CKM: variants seen among roughly 807,000 people sequenced by gnomAD.
CKM encodes the protein creatine kinase M-type.
CKM carries 28 observed loss-of-function variants against 35.4 expected under a neutral mutation model. That is an observed-to-expected ratio of 0.79 (90% CI 0.59 to 1.08). The LOEUF is 1.08. Among genes scored for constraint, CKM ranks in the 50% least tolerant of loss-of-function variants. The pLI, the probability that CKM is intolerant of heterozygous loss-of-function variation, is 0.00. For synonymous variants in CKM, 215 were observed against 204.4 expected (o/e 1.05, Z -0.44); for missense variants, 484 against 509.8 (o/e 0.95, Z 0.49).
chr19:45,307,155 G>A (rs1971060902), intron 7 of CKM, among the ~76,000 whole-genome samples: 2 of 152,210 alleles, frequency 1.3e-5, no homozygotes. Flanking sequence ...AAGAGAGTGG[G>A]TTCTGGAGCC....
At chr19:45,310,572 G>T (rs2377326) in intron 5 of CKM, among the ~76,000 whole-genome samples, 57,222 of 151,620 alleles carry the variant, frequency 0.38, 11,972 homozygotes, top group African/African-American at 0.56. Flanking sequence ...AGCTAGTAAA[G>T]TTAGTAAATG....
intron 5 of CKM, among the ~76,000 whole-genome samples, chr19:45,311,520 C>T (rs1971109685): frequency 6.6e-6 from 1 of 152,240 alleles, no homozygotes; most frequent in Non-Finnish European, 1.5e-5. Flanking sequence ...GCCACCGTGC[C>T]CCGCCAAGTC....
Position 45,308,315 on chromosome 19 carries a change from C to A in CKM, c.777+94G>T, listed in dbSNP as rs1309598561. ...GCAGGGCCCTGGAAAATGGGTGGGG[C>A]AGGGCTTAGTATAGGGGAAGGGGCG... On this transcript the variant is annotated intron_variant, in intron 6 of 7. Transcript: ENST00000221476. 69 of 1,476,678 alleles carry A rather than the reference C, an allele frequency of 4.7e-5. No individual in the cohort carries two copies. In the Middle Eastern group the frequency reaches 2.8e-3, roughly 60 times the overall value. 91.5% of individuals were successfully genotyped at this position (1,476,678 alleles called of 1,614,324 possible).
intron 3 of CKM, among the ~76,000 whole-genome samples, chr19:45,316,850 C>G (rs978016371): frequency 7.9e-5 from 12 of 151,528 alleles, no homozygotes; most frequent in African/African-American, 2.7e-4. Flanking sequence ...GCATGCCTAG[C>G]TAATTTTTGT....
intron 1 of CKM, among the ~76,000 whole-genome samples, chr19:45,321,079 T>TTTTTTTTTTTTTTTTTTTTTTTTTTTG: frequency 6.6e-6 from 1 of 151,636 alleles, no homozygotes. Context: ...TTTTTTGGTA[T>TTTTTTTTTTTTTTTTTTTTTTTTTTTG]TTTTAGTAGA....
Position 45,315,485 on chromosome 19 carries a change from AC to A in CKM, c.460del (p.Val154TrpfsTer12). 4 of 1,599,258 alleles carry A rather than the reference AC, an allele frequency of 2.5e-6. No individual in the cohort carries two copies. Among genetic ancestry groups the A allele is most frequent in the Non-Finnish European group, 3.4e-6 (4 of 1,179,648 alleles). On this transcript the variant is annotated frameshift_variant, in exon 4 of 8. Coordinates refer to ENST00000221476, the MANE Select transcript of CKM (RefSeq NM_001824.5). LOFTEE classifies it high-confidence loss of function. The part of the protein sequence containing the change: ...PHCSRGERRA[V>X]EKLSVEALNS... ...CTCACCTTCCACAGAGAGCTTCTCC[AC>A]CGCCCGGCGCTCGCCACGGGAGCAG...
Position 45,308,370 on chromosome 19 carries a change from G to A in CKM, c.777+39C>T, listed in dbSNP as rs748753624. 8.7e-6 allele frequency: 14 copies of A among 1,613,556 alleles called. No individual in the cohort carries two copies. In the South Asian group the frequency reaches 1.4e-4, roughly 16 times the overall value. Reference sequence around the variant, plus strand: ...CTCGGAAAGCAGGTGGGGCGTTCAAGGTGGAGTCAGAAGTCAGCAGCTAAG... The same window carrying A: ...CTCGGAAAGCAGGTGGGGCGTTCAAAGTGGAGTCAGAAGTCAGCAGCTAAG... On this transcript the variant is annotated intron_variant, in intron 6 of 7. Coordinates refer to ENST00000221476, the MANE Select transcript of CKM (RefSeq NM_001824.5).
At chr19:45,316,553 C>T (rs960634665) in intron 3 of CKM, among the ~76,000 whole-genome samples, 4 of 151,700 alleles carry the variant, frequency 2.6e-5, no homozygotes, top group South Asian at 2.1e-4. Flanking sequence ...CCTGGCTTCA[C>T]GTGATCCTCA....
At position 45,307,534 on chromosome 19, in the gene CKM, C is replaced by A; in HGVS notation, c.894G>T (p.Lys298Asn). 6.2e-7 allele frequency: 1 copy of A among 1,614,150 alleles called. No homozygotes were observed. Among genetic ancestry groups the A allele is most frequent in the Non-Finnish European group, 8.5e-7 (1 of 1,179,990 alleles). Residue 298 changes from lysine to asparagine, a missense_variant, in exon 7 of 8, where the codon AAG becomes AAT. Coordinates refer to ENST00000221476, the MANE Select transcript of CKM (RefSeq NM_001824.5). ...TGGGGTGCTTGCTCAGGTGCGCCAG[C>A]TTCACATGCACGCCTCCACGCAGCC... ...GTGLRGGVHV[K>N]LAHLSKHPKF...
chr19:45,316,927 C>T (rs1372358131), intron 3 of CKM, among the ~76,000 whole-genome samples: 13 of 152,038 alleles, frequency 8.6e-5, no homozygotes, highest in African/African-American at 7.2e-5. Context: ...CCTTATGATC[C>T]GCCCACCTCA....
rs1599814232 is a variant in CKM at position 45,308,481 on chromosome 19, G to C, written c.705C>G (p.Leu235=). Residue 235 remains leucine (L), a synonymous_variant, in exon 6 of 8, where the codon CTC becomes CTG. Transcript: ENST00000221476. ...FLVWVNEEDH[L]RVISMEKGGN... is the part of the protein sequence containing the mutation. ...CCCCCTTCTCCATGGAGATGACCCG[G>C]AGGTGATCCTCCTCGTTCACCCACA... is the stretch of plus-strand genomic sequence containing the variant. The C allele has an allele frequency of 6.2e-7, 1 of 1,614,120 alleles. No homozygotes were observed.
intron 7 of CKM, among the ~76,000 whole-genome samples, chr19:45,307,165 C>T (rs1013162691): frequency 1.3e-5 from 2 of 152,166 alleles, no homozygotes; most frequent in Non-Finnish European, 2.9e-5. Flanking sequence ...GTTCTGGAGC[C>T]AGGCGGCCTA....
intron 1 of CKM, among the ~76,000 whole-genome samples, chr19:45,320,287 C>T (rs1971201411): frequency 6.6e-6 from 1 of 151,798 alleles, no homozygotes; most frequent in Non-Finnish European, 1.5e-5. Context: ...TGGGGTTTCA[C>T]CATCTCTACT....
intron 1 of CKM, among the ~76,000 whole-genome samples, chr19:45,322,526 G>T (rs1393477609): frequency 6.6e-6 from 1 of 152,188 alleles, no homozygotes; most frequent in Non-Finnish European, 1.5e-5. Context: ...ACAGCCCCTT[G>T]CAGGGGGTGA....
chr19:45,309,781 T>C (rs1388267990), intron 5 of CKM, among the ~76,000 whole-genome samples: 1 of 151,308 alleles, frequency 6.6e-6, no homozygotes, highest in Non-Finnish European at 1.5e-5. Context: ...GAGGATCGTT[T>C]GAACCCGGGA....
chr19:45,307,675 G>A (rs1267957231), intron 6 of CKM, 25 bp from the exon 7 acceptor site: 4 of 1,606,212 alleles, frequency 2.5e-6, no homozygotes, highest in Non-Finnish European at 3.4e-6. Context: ...GAGGACCAGG[G>A]GTCAGCGCCG....
At chr19:45,320,943 C>T (rs1455378994) in intron 1 of CKM, among the ~76,000 whole-genome samples, 1 of 150,788 alleles carries the variant, frequency 6.6e-6, no homozygotes, top group East Asian at 1.9e-4. Context: ...CTCTGTCGCC[C>T]AGGCTAGAGT....
intron 4 of CKM, 85 bp from the exon 5 acceptor site, chr19:45,312,005 C>T (rs977832952): frequency 1.9e-5 from 29 of 1,494,322 alleles, no homozygotes; most frequent in African/African-American, 2.7e-5. Flanking sequence ...TGCTGCTGCT[C>T]CTAACGGGCC....
Position 45,315,546 on chromosome 19 carries a change from C to T in CKM, c.400G>A (p.Gly134Ser). ...NYVLSSRVRT[G>S]RSIKGYTLPP... Reference sequence around the variant, plus strand: ...AACGTGTAGCCCTTGATGCTGCGGCCAGTGCGGACGCGGCTGCTGAGCACG... The same window carrying T: ...AACGTGTAGCCCTTGATGCTGCGGCTAGTGCGGACGCGGCTGCTGAGCACG... The change falls in exon 4 of 8, where the codon GGC (glycine) becomes AGC (serine). Residue 134 changes from glycine to serine, a missense_variant. Gly to Ser is a moderately conservative substitution (Grantham distance 56). Transcript: ENST00000221476. The T allele has an allele frequency of 3.7e-6, 6 of 1,603,158 alleles. No homozygotes were observed. The highest frequency in any genetic ancestry group is 5.1e-6 in the Non-Finnish European group (6 of 1,179,958).
Sources: gnomAD v4.1 joint callset for allele counts (sites outside exome capture counted in the v4.1 genomes callset) on GRCh38, gnomAD v4.1.1 for gene constraint, MANE v1.5 for transcripts, NCBI Gene and HGNC (gene_info 2026-07-23, HGNC 2026-07-21) for gene names.